The following PTPRM variants were observed in gnomAD, a reference collection of about 807,000 sequenced individuals.
PTPRM encodes receptor-type tyrosine-protein phosphatase mu.
PTPRM carries 47 observed loss-of-function variants against 186.7 expected under a neutral mutation model. The observed-to-expected ratio is 0.25, with a 90% CI of 0.20 to 0.32. PTPRM has a LOEUF of 0.32. Among genes scored for constraint, PTPRM ranks in the 10% least tolerant of loss-of-function variants. The pLI is 1.00. For missense variants in PTPRM, 1,494 were observed against 1,865.0 expected, an observed-to-expected ratio of 0.80 and a Z score of 3.66; for synonymous variants, 668 against 674.9, an observed-to-expected ratio of 0.99 and a Z score of 0.16.
chr18:8,203,261 TG>T (rs1450624789), intron 14 of PTPRM, among the ~76,000 whole-genome samples: 2 of 152,230 alleles, frequency 1.3e-5, no homozygotes, highest in East Asian at 3.8e-4. Context: ...TAGAGTTCCT[TG>T]GCTGTTTAAA....
intron 2 of PTPRM, among the ~76,000 whole-genome samples, chr18:7,797,880 A>G (rs936585323): frequency 6.6e-6 from 1 of 152,212 alleles, no homozygotes; most frequent in African/African-American, 2.4e-5. Context: ...ACTGGTGGAC[A>G]TTCCTTCCAG....
At position 8,095,987 on chromosome 18, in the gene PTPRM, C is replaced by G. The variant is rs144571355; in HGVS notation, c.1856+7136C>G. On this transcript the variant is annotated intron_variant, in intron 11 of 32. Transcript: ENST00000580170. ...TCTTAGTGTCTCTTGTTTGGAAGAACCTTCTGGATCTTTCTTTTGTTGCTT... is the reference window on the plus strand; with the variant it reads ...TCTTAGTGTCTCTTGTTTGGAAGAAGCTTCTGGATCTTTCTTTTGTTGCTT... 3.8e-3 allele frequency among the ~76,000 whole-genome samples: 578 copies of G among 152,202 alleles called. 2 individuals are homozygous for G. Among genetic ancestry groups the G allele is most frequent in the African/African-American group, 0.013 (543 of 41,524 alleles).
intron 7 of PTPRM, among the ~76,000 whole-genome samples, chr18:7,995,317 A>G (rs527424855): frequency 1.3e-5 from 2 of 152,180 alleles, no homozygotes; most frequent in South Asian, 4.1e-4. Flanking sequence ...CCAGGATCAG[A>G]TGGCTTTACC....
At chr18:7,720,356 T>C (rs371152170) in intron 1 of PTPRM, among the ~76,000 whole-genome samples, 1 of 151,982 alleles carries the variant, frequency 6.6e-6, no homozygotes, top group South Asian at 2.1e-4. Flanking sequence ...GGCATACGAA[T>C]TGGTCATCAG....
At chr18:8,166,275 C>T (rs1568452895) in intron 14 of PTPRM, among the ~76,000 whole-genome samples, 2 of 152,302 alleles carry the variant, frequency 1.3e-5, no homozygotes, top group East Asian at 3.9e-4. Context: ...ACAAGTCATA[C>T]TCTTGCTTCC....
intron 7 of PTPRM, among the ~76,000 whole-genome samples, chr18:7,980,783 C>T (rs528800242): frequency 2.0e-4 from 31 of 152,252 alleles, no homozygotes; most frequent in African/African-American, 7.0e-4. Context: ...TCCTCCTCCC[C>T]GTTGCCTGCT....
At chr18:8,167,820 C>T (rs1453218911) in intron 14 of PTPRM, among the ~76,000 whole-genome samples, 3 of 152,208 alleles carry the variant, frequency 2.0e-5, no homozygotes, top group Admixed American at 2.0e-4. Flanking sequence ...TGTGATACAG[C>T]AGTTCCTGTT....
At chr18:7,889,907 G>T (rs1049616163) in intron 3 of PTPRM, among the ~76,000 whole-genome samples, 2 of 152,214 alleles carry the variant, frequency 1.3e-5, no homozygotes, top group Non-Finnish European at 2.9e-5. Flanking sequence ...TGCAGTAACT[G>T]CTTTGAGTTC....
chr18:7,903,818 C>G (rs1488019602), intron 3 of PTPRM, among the ~76,000 whole-genome samples: 1 of 152,172 alleles, frequency 6.6e-6, no homozygotes, highest in East Asian at 1.9e-4. Flanking sequence ...CTTTTCCACT[C>G]TGGGCTCTGC....
intron 13 of PTPRM, among the ~76,000 whole-genome samples, chr18:8,129,201 T>C (rs1195025337): frequency 6.6e-6 from 1 of 150,940 alleles, no homozygotes; most frequent in Non-Finnish European, 1.5e-5. Context: ...GAAATTGTTC[T>C]TGCCTTTTTG....
At chr18:8,098,269 A>G (rs1157254152) in intron 11 of PTPRM, among the ~76,000 whole-genome samples, 1 of 152,232 alleles carries the variant, frequency 6.6e-6, no homozygotes, top group Non-Finnish European at 1.5e-5. Context: ...ATTATGTAAA[A>G]CATATAAAAA....
At chr18:8,191,838 C>T (rs912129664) in intron 14 of PTPRM, among the ~76,000 whole-genome samples, 30 of 152,216 alleles carry the variant, frequency 2.0e-4, no homozygotes, top group Admixed American at 3.9e-4. Flanking sequence ...GAAACAAGCT[C>T]ACCCTGAGAT....
intron 7 of PTPRM, among the ~76,000 whole-genome samples, chr18:8,038,187 G>A (rs1011887158): frequency 2.0e-4 from 30 of 151,982 alleles, no homozygotes; most frequent in Non-Finnish European, 3.1e-4. Context: ...TCTAACCCTG[G>A]TATCTTCAGA....
intron 20 of PTPRM, among the ~76,000 whole-genome samples, chr18:8,297,244 G>A (rs77416025): frequency 0.038 from 5,800 of 152,228 alleles, 158 homozygotes; most frequent in East Asian, 0.069. Context: ...ATTTTAAAAA[G>A]CAACACAACA....
chr18:7,603,929 T>C (rs2037467822), intron 1 of PTPRM, among the ~76,000 whole-genome samples: 1 of 152,226 alleles, frequency 6.6e-6, no homozygotes, highest in African/African-American at 2.4e-5. Flanking sequence ...CATCGGGGGC[T>C]TGTGTCTGCC....
chr18:8,176,950 T>G (rs2093492706), intron 14 of PTPRM, among the ~76,000 whole-genome samples: 1 of 152,248 alleles, frequency 6.6e-6, no homozygotes, highest in Non-Finnish European at 1.5e-5. Context: ...TACATCTGCT[T>G]CTTTTCTATC....
At chr18:7,887,746 G>A (rs575352292) in intron 2 of PTPRM, among the ~76,000 whole-genome samples, 1 of 152,298 alleles carries the variant, frequency 6.6e-6, no homozygotes, top group African/African-American at 2.4e-5. Context: ...TGGTGTGAAT[G>A]AGGACACGCA....
In PTPRM at chr18:7,828,396, C is replaced by CCCT. The variant is rs372959222; in HGVS notation, c.196+54128_196+54130dup. ...CATTAGGTATGTCTCCTAATGCTAT[C>CCCT]CCTCCCCGCTTCCCCCCACCCCACA... On this transcript the variant is annotated intron_variant, in intron 2 of 32. Transcript: ENST00000580170. Among the ~76,000 whole-genome samples, 881 of 152,010 alleles carry CCCT rather than the reference C, an allele frequency of 5.8e-3. 4 individuals carry two copies. The highest frequency in any genetic ancestry group is 7.9e-3 in the Non-Finnish European group (538 of 67,988).
At chr18:7,653,641 G>A (rs1425050893) in intron 1 of PTPRM, among the ~76,000 whole-genome samples, 3 of 152,006 alleles carry the variant, frequency 2.0e-5, no homozygotes, top group African/African-American at 7.2e-5. Context: ...TCCTGCAAAG[G>A]ACAATCTTGT....
Sources: gnomAD v4.1 joint callset for allele counts (sites outside exome capture counted in the v4.1 genomes callset) on GRCh38, gnomAD v4.1.1 for gene constraint, MANE v1.5 for transcripts, NCBI Gene and HGNC (gene_info 2026-07-23, HGNC 2026-07-21) for gene names.